The following RSRP1 variants were observed in gnomAD, a reference collection of about 807,000 sequenced individuals.
The protein encoded by RSRP1 is arginine/serine-rich protein 1.
RSRP1 carries 37 observed loss-of-function variants against 33.0 expected under a neutral mutation model. That is an observed-to-expected ratio of 1.12 (90% CI 0.86 to 1.48). The LOEUF is 1.48. RSRP1 is among the 40% of genes most tolerant of loss of function. The probability of loss-of-function intolerance (pLI) is 0.00; values close to 1 mark genes in which losing one functional copy is unlikely to be tolerated. For missense variants in RSRP1, 402 were observed against 385.3 expected (o/e 1.04, Z -0.36); for synonymous variants, 167 against 158.7 (o/e 1.05, Z -0.40).
rs1640603386 is a variant in RSRP1 at position 25,272,785 on chromosome 1, C to T, written c.-66-25756G>A. 3 of 1,318,844 alleles carry T rather than the reference C, an allele frequency of 2.3e-6. 1 individual carries two copies. The highest frequency in any genetic ancestry group is 2.1e-6 in the Non-Finnish European group (2 of 930,604). 81.7% of individuals were successfully genotyped at this position (1,318,844 alleles called of 1,614,324 possible). On this transcript the variant is annotated intron_variant, in intron 1 of 1. Coordinates refer to the RSRP1 transcript ENST00000561867. ...TGGTTCTCCAGGGGCACAGATGTTC[C>T]TTTCTACAAAATCCCAAGGAAAAAG... is the stretch of plus-strand genomic sequence containing the variant.
intron 3 of RSRP1, 112 bp downstream of exon 3, chr1:25,245,038 A>G (rs1639231890): frequency 1.9e-6 from 3 of 1,598,176 alleles, no homozygotes; most frequent in Non-Finnish European, 2.6e-6. Flanking sequence ...AATTTAGCAC[A>G]TTATATACAT....
In RSRP1 at chr1:25,280,330, C is replaced by G. The variant is rs74511600; in HGVS notation, c.-66-33301G>C. Among the ~76,000 whole-genome samples, 52 of 118,284 alleles carry G rather than the reference C, an allele frequency of 4.4e-4. 15 individuals are homozygous for G. Among genetic ancestry groups the G allele is most frequent in the South Asian group, 2.3e-3 (9 of 3,960 alleles). 77.6% of individuals were successfully genotyped at this position (118,284 alleles called of 152,430 possible). ...TCTCTTTTTTTTTTTTTTTGAGCTGCAGTCTCACTCTGTCATCCAGGCTGG... is the reference window on the plus strand; with the variant it reads ...TCTCTTTTTTTTTTTTTTTGAGCTGGAGTCTCACTCTGTCATCCAGGCTGG... On this transcript the variant is annotated intron_variant, in intron 1 of 1. Transcript: ENST00000561867.
chr1:25,301,067 C>T lies in RSRP1; in HGVS notation c.-67+36911G>A, dbSNP rs775528807. On this transcript the variant is annotated intron_variant, in intron 1 of 1. Coordinates refer to the RSRP1 transcript ENST00000561867. ...ACGGAGGATAAAGATCAGACAGCAA[C>T]GATACCCAGTTTGTCTGCCATGCTG... is the stretch of plus-strand genomic sequence containing the variant. 26 of 1,376,746 alleles carry T rather than the reference C, an allele frequency of 1.9e-5. 9 individuals carry two copies. The highest frequency in any genetic ancestry group is 3.6e-5 in the Admixed American group (2 of 55,992). 85.3% of individuals were successfully genotyped at this position (1,376,746 alleles called of 1,614,324 possible).
At chr1:25,331,975 C>CAA (rs1197176141) in intron 1 of RSRP1, among the ~76,000 whole-genome samples, 1 of 126,366 alleles carries the variant, frequency 7.9e-6, no homozygotes, top group African/African-American at 2.7e-5. Context: ...CTCCTGACCT[C>CAA]GTGATCCACC....
chr1:25,285,906 A>G (rs544568771), intron 1 of RSRP1, among the ~76,000 whole-genome samples: 3 of 134,526 alleles, frequency 2.2e-5, no homozygotes, highest in Admixed American at 7.1e-5. Flanking sequence ...ACCTCTGGGC[A>G]CTGCTGTTAA....
At position 25,246,518 on chromosome 1, in the gene RSRP1, T is replaced by G. The variant is rs1639412220; in HGVS notation, c.446A>C (p.Glu149Ala). The G allele has an allele frequency of 1.2e-6, 2 of 1,614,116 alleles. No individual in the cohort carries two copies. Among genetic ancestry groups the G allele is most frequent in the Admixed American group, 1.7e-5 (1 of 60,008 alleles). Residue 149 changes from glutamate to alanine, a missense_variant, in exon 2 of 5, where the codon GAG becomes GCG. Glu to Ala is a moderately radical substitution (Grantham distance 107). Transcript: ENST00000243189. ...YYGFGRTVYP[E>A]EHSRWRDRSR... ...TCTGTCCCTCCATCTGCTGTGCTCCTCCGGGTACACTGTGCGACCAAAGCC... is the reference window on the plus strand; with the variant it reads ...TCTGTCCCTCCATCTGCTGTGCTCCGCCGGGTACACTGTGCGACCAAAGCC...
At chr1:25,245,071 AG>A (rs772539774) in intron 3 of RSRP1, 78 bp downstream of exon 3, 19 of 1,612,214 alleles carry the variant, frequency 1.2e-5, no homozygotes, top group Non-Finnish European at 8.5e-7. Context: ...CAAAAAGTAT[AG>A]TCTAAGATAT....
At chr1:25,245,839 T>G (rs1639333075) in intron 2 of RSRP1, among the ~76,000 whole-genome samples, 1 of 152,184 alleles carries the variant, frequency 6.6e-6, no homozygotes, top group African/African-American at 2.4e-5. Flanking sequence ...CTGCTGTAGA[T>G]TCTTTATATA....
At chr1:25,256,072 T>A (rs988574509) in intron 1 of RSRP1, among the ~76,000 whole-genome samples, 10 of 152,142 alleles carry the variant, frequency 6.6e-5, no homozygotes, top group Non-Finnish European at 1.3e-4. Flanking sequence ...CTCTGAACGT[T>A]GTTCCCATGT....
intron 1 of RSRP1, among the ~76,000 whole-genome samples, chr1:25,292,302 G>A (rs887074952): frequency 1.5e-5 from 2 of 132,676 alleles, no homozygotes; most frequent in Non-Finnish European, 1.8e-5. Flanking sequence ...TATGTTTTAA[G>A]ATACTCTGGC....
rs1180189529 is a variant in RSRP1 at position 25,301,757 on chromosome 1, C to T, written c.-67+36221G>A. 68 of 1,094,832 alleles carry T rather than the reference C, an allele frequency of 6.2e-5. 13 individuals carry two copies. Among genetic ancestry groups the T allele is most frequent in the Non-Finnish European group, 8.8e-5 (64 of 724,124 alleles). The allele number at this position is 1,094,832 out of a possible 1,614,324, so 67.8% of individuals were successfully genotyped here. A position where few individuals can be genotyped will look rare whatever the true frequency, so the allele number is the denominator to read the frequency against. On this transcript the variant is annotated intron_variant, in intron 1 of 1. Transcript: ENST00000561867. The stretch of plus-strand genomic sequence containing the variant: ...TAGCACACATATTTATGCCCCTCCC[C>T]ACCCCAGGGCCAGCGTGGGTTGGGA...
intron 1 of RSRP1, chr1:25,301,755 C>T: frequency 1.8e-6 from 2 of 1,124,960 alleles, no homozygotes; most frequent in Non-Finnish European, 2.7e-6. Flanking sequence ...TATGCCCCTC[C>T]CCACCCCAGG....
intron 3 of RSRP1, chr1:25,244,024 C>G: frequency 3.4e-6 from 4 of 1,191,350 alleles, no homozygotes; most frequent in Non-Finnish European, 4.2e-6. Flanking sequence ...AAACCCACAT[C>G]TGGGCCCAAT....
intron 1 of RSRP1, among the ~76,000 whole-genome samples, chr1:25,286,561 G>C (rs910300527): frequency 7.4e-6 from 1 of 134,522 alleles, no homozygotes; most frequent in African/African-American, 2.6e-5. Flanking sequence ...CCAAGGCGGG[G>C]GGATCATGAG....
intron 1 of RSRP1, among the ~76,000 whole-genome samples, chr1:25,313,628 G>A (rs1314977094): frequency 1.5e-5 from 2 of 132,154 alleles, no homozygotes; most frequent in Non-Finnish European, 3.6e-5. Context: ...GGCAGAACAC[G>A]TCATGCAGGG....
chr1:25,263,739 T>C (rs1422675852), intron 1 of RSRP1, among the ~76,000 whole-genome samples: 1 of 151,916 alleles, frequency 6.6e-6, no homozygotes, highest in Non-Finnish European at 1.5e-5. Flanking sequence ...AAGTCTTAAA[T>C]GATTTCAGCA....
chr1:25,252,681 C>T (rs1293567502), intron 1 of RSRP1, among the ~76,000 whole-genome samples: 1 of 152,074 alleles, frequency 6.6e-6, no homozygotes, highest in Non-Finnish European at 1.5e-5. Flanking sequence ...TTACAGGCGC[C>T]AGCAACTACG....
intron 1 of RSRP1, among the ~76,000 whole-genome samples, chr1:25,280,711 A>G (rs1198503303): frequency 1.6e-5 from 2 of 125,958 alleles, no homozygotes; most frequent in African/African-American, 5.4e-5. Flanking sequence ...TTCTAGGCAC[A>G]AGCCATCCTC....
chr1:25,302,671 C>A (rs1280054556), intron 1 of RSRP1, among the ~76,000 whole-genome samples: 1 of 129,270 alleles, frequency 7.7e-6, no homozygotes, highest in Non-Finnish European at 1.8e-5. Context: ...GAAACTGGGC[C>A]CAGTCACACA....
Sources: gnomAD v4.1 joint callset for allele counts (sites outside exome capture counted in the v4.1 genomes callset) on GRCh38, gnomAD v4.1.1 for gene constraint, MANE v1.5 for transcripts, NCBI Gene and HGNC (gene_info 2026-07-23, HGNC 2026-07-21) for gene names.